Variants in ERBB4 observed in about 807,000 individuals in gnomAD.
The protein encoded by ERBB4 is receptor tyrosine-protein kinase erbB-4.
A neutral mutation model predicts 158.0 loss-of-function variants in ERBB4; 42 were observed. The observed-to-expected ratio is 0.27, with a 90% confidence interval of 0.21 to 0.34. The LOEUF (loss-of-function observed/expected upper bound fraction) is 0.34, where lower values mean the gene tolerates loss of function less well. ERBB4 is among the 10% of genes least tolerant of loss of function. ERBB4 has a pLI of 1.00. For missense variants in ERBB4, 1,333 were observed against 1,624.1 expected, an observed-to-expected ratio of 0.82 and a Z score of 3.08; for synonymous variants, 583 against 558.7, an observed-to-expected ratio of 1.04 and a Z score of -0.61.
At chr2:211,416,148 CA>C (rs1323598295) in intron 25 of ERBB4, among the ~76,000 whole-genome samples, 3 of 152,260 alleles carry the variant, frequency 2.0e-5, no homozygotes, top group Admixed American at 2.0e-4. Context: ...TATAAAAATA[CA>C]TGGAAGCTTT....
chr2:212,380,599 A>C (rs1422541550), intron 1 of ERBB4, among the ~76,000 whole-genome samples: 1 of 151,040 alleles, frequency 6.6e-6, no homozygotes, highest in East Asian at 1.9e-4. Flanking sequence ...TTGATAAAAA[A>C]TACACTTAAG....
chr2:211,400,369 C>A (rs1419400420), intron 25 of ERBB4, among the ~76,000 whole-genome samples: 1 of 152,114 alleles, frequency 6.6e-6, no homozygotes, highest in Non-Finnish European at 1.5e-5. Context: ...ATCCCTCACA[C>A]AAAATCAACT....
intron 15 of ERBB4, among the ~76,000 whole-genome samples, chr2:211,660,903 G>C (rs1376453819): frequency 6.6e-6 from 1 of 152,154 alleles, no homozygotes; most frequent in Non-Finnish European, 1.5e-5. Flanking sequence ...TCAAGAAAGA[G>C]GCGGTGATCA....
chr2:211,881,902 G>C (rs2078673976), intron 3 of ERBB4, among the ~76,000 whole-genome samples: 2 of 152,138 alleles, frequency 1.3e-5, no homozygotes, highest in Non-Finnish European at 2.9e-5. Context: ...CAGCTTCAGT[G>C]GCAGTCTTTT....
At chr2:211,985,738 A>G (rs1261071813) in intron 2 of ERBB4, among the ~76,000 whole-genome samples, 1 of 152,000 alleles carries the variant, frequency 6.6e-6, no homozygotes, top group Non-Finnish European at 1.5e-5. Context: ...AATGTAAACA[A>G]AAATTTATTT....
At chr2:211,440,020 C>G (rs781367533) in intron 20 of ERBB4, among the ~76,000 whole-genome samples, 2 of 152,086 alleles carry the variant, frequency 1.3e-5, no homozygotes, top group Non-Finnish European at 2.9e-5. Context: ...CTCCTTGGGG[C>G]TTGAAAGCCT....
chr2:212,051,833 C>T (rs2077408042), intron 2 of ERBB4, among the ~76,000 whole-genome samples: 1 of 152,042 alleles, frequency 6.6e-6, no homozygotes, highest in South Asian at 2.1e-4. Context: ...TCAGGATTAT[C>T]ATTATTACAA....
intron 2 of ERBB4, among the ~76,000 whole-genome samples, chr2:212,115,295 T>G (rs891958860): frequency 1.3e-5 from 2 of 152,150 alleles, no homozygotes; most frequent in Admixed American, 1.3e-4. Context: ...AAAATTGATT[T>G]GGTCTCATGC....
At chr2:212,222,882 C>T (rs921521835) in intron 1 of ERBB4, among the ~76,000 whole-genome samples, 3 of 151,458 alleles carry the variant, frequency 2.0e-5, no homozygotes, top group African/African-American at 7.3e-5. Context: ...GGATCTTGCA[C>T]TTAATTCAAG....
At chr2:211,944,206 A>ATATATATAG (rs371912701) in intron 3 of ERBB4, among the ~76,000 whole-genome samples, 2,554 of 103,902 alleles carry the variant, frequency 0.025, 105 homozygotes, top group African/African-American at 0.056. Context: ...TATACTATAT[A>ATATATATAG]TATATATACA....
At chr2:211,974,234 T>G (rs1420758213) in intron 2 of ERBB4, among the ~76,000 whole-genome samples, 1 of 144,056 alleles carries the variant, frequency 6.9e-6, no homozygotes, top group African/African-American at 2.5e-5. Context: ...ACTTAAAAGC[T>G]TTTTTTTTAA....
Position 211,725,134 on chromosome 2 carries a change from T to C in ERBB4, c.683A>G (p.Asp228Gly). ...TCCAGCACATTCTCGATGGCAGCAG[T>C]CACTGACGTAAGGTCCGTAGCATCT... The part of the protein sequence containing the change: ...DGRCYGPYVS[D>G]CCHRECAGGC... Residue 228 changes from aspartate to glycine, a missense_variant, in exon 6 of 28, where the codon GAC (aspartate) becomes GGC (glycine). Around this residue, in one of 5 missense-constraint regions of ERBB4, gnomAD observed 438 missense variants for 586.9 expected, o/e 0.75. Transcript: ENST00000342788. The C allele has an allele frequency of 6.2e-7, 1 of 1,614,120 alleles. No homozygotes were observed. The highest frequency in any genetic ancestry group is 8.5e-7 in the Non-Finnish European group (1 of 1,180,008).
intron 1 of ERBB4, among the ~76,000 whole-genome samples, chr2:212,368,111 A>T (rs980556645): frequency 2.0e-5 from 3 of 152,166 alleles, no homozygotes; most frequent in African/African-American, 7.2e-5. Context: ...AAGTCATTTG[A>T]AAAAGATACT....
intron 3 of ERBB4, among the ~76,000 whole-genome samples, chr2:211,811,506 C>T (rs62184489): frequency 8.1e-4 from 124 of 152,176 alleles, no homozygotes; most frequent in Non-Finnish European, 1.5e-3. Flanking sequence ...GGTTGCTCTT[C>T]TCGAGGAGTA....
intron 20 of ERBB4, among the ~76,000 whole-genome samples, chr2:211,506,217 T>C (rs2065745884): frequency 6.6e-6 from 1 of 152,004 alleles, no homozygotes; most frequent in Non-Finnish European, 1.5e-5. Context: ...AAGATTTAAG[T>C]ATCCCAAATA....
chr2:212,437,774 A>G, intron 1 of ERBB4, among the ~76,000 whole-genome samples: 1 of 152,012 alleles, frequency 6.6e-6, no homozygotes, highest in Middle Eastern at 3.2e-3. Context: ...TTTTGTCCAC[A>G]CCATTCTGTT....
At chr2:211,452,459 A>G (rs1486775672) in intron 20 of ERBB4, among the ~76,000 whole-genome samples, 1 of 152,164 alleles carries the variant, frequency 6.6e-6, no homozygotes, top group Non-Finnish European at 1.5e-5. Context: ...TACAGGCGTG[A>G]GCCACCGCCC....
chr2:212,455,103 T>C (rs1287529562), intron 1 of ERBB4, among the ~76,000 whole-genome samples: 1 of 152,222 alleles, frequency 6.6e-6, no homozygotes, highest in Non-Finnish European at 1.5e-5. Context: ...CATAACTTAA[T>C]GGACCTTGCT....
At chr2:212,415,483 C>T (rs73062327) in intron 1 of ERBB4, among the ~76,000 whole-genome samples, 5,210 of 151,998 alleles carry the variant, frequency 0.034, 308 homozygotes, top group African/African-American at 0.12. Context: ...TTATTCAATA[C>T]AGTTAAAGGA....
Sources: allele counts gnomAD v4.1 joint callset (sites outside exome capture counted in the v4.1 genomes callset), GRCh38; gene constraint gnomAD v4.1.1; regional missense constraint gnomAD v4.1.1; transcripts MANE v1.5; gene names NCBI Gene and HGNC (gene_info 2026-07-23, HGNC 2026-07-21).